NRCAM: variants seen among roughly 807,000 people sequenced by gnomAD.
NRCAM encodes NgCAM-related cell adhesion molecule.
NRCAM carries 83 observed loss-of-function variants against 156.5 expected under a neutral mutation model. The observed-to-expected ratio is 0.53, with a 90% CI of 0.44 to 0.64. The LOEUF is 0.64. Among genes scored for constraint, NRCAM ranks in the 30% least tolerant of loss-of-function variants. NRCAM has a pLI of 0.00. For missense variants in NRCAM, 1,417 were observed against 1,597.3 expected, an observed-to-expected ratio of 0.89 and a Z score of 1.92; for synonymous variants, 538 against 563.9, an observed-to-expected ratio of 0.95 and a Z score of 0.65.
chr7:108,423,873 G>A (rs1005697870), intron 1 of NRCAM, among the ~76,000 whole-genome samples: 3 of 152,202 alleles, frequency 2.0e-5, no homozygotes, highest in African/African-American at 7.2e-5. Flanking sequence ...ATTGACATAT[G>A]CTGACGTCAG....
chr7:108,448,581 C>T (rs1846983892), intron 1 of NRCAM, among the ~76,000 whole-genome samples: 1 of 152,244 alleles, frequency 6.6e-6, no homozygotes, highest in African/African-American at 2.4e-5. Flanking sequence ...CCCAAAATTG[C>T]TTTTTATTTC....
intron 3 of NRCAM, among the ~76,000 whole-genome samples, chr7:108,256,646 A>C (rs557294044): frequency 1.3e-4 from 20 of 152,342 alleles, no homozygotes; most frequent in South Asian, 1.2e-3. Context: ...ACAACAACAA[A>C]AAAAACAACT....
At chr7:108,170,545 G>T in intron 28 of NRCAM, among the ~76,000 whole-genome samples, 1 of 152,158 alleles carries the variant, frequency 6.6e-6, no homozygotes, top group East Asian at 1.9e-4. Flanking sequence ...CTATGACCTA[G>T]AAACTCCCTG....
intron 2 of NRCAM, among the ~76,000 whole-genome samples, chr7:108,317,931 A>AGAAAG (rs1213342787): frequency 3.3e-5 from 5 of 150,768 alleles, no homozygotes; most frequent in Admixed American, 1.3e-4. Flanking sequence ...AAAGAAAGAA[A>AGAAAG]GAAAGGAAAG....
intron 2 of NRCAM, among the ~76,000 whole-genome samples, chr7:108,398,543 T>C (rs1395727027): frequency 1.3e-5 from 2 of 152,096 alleles, no homozygotes; most frequent in Non-Finnish European, 2.9e-5. Context: ...TTCACACATA[T>C]GCCATAACTT....
At chr7:108,253,745 G>C (rs964817656) in intron 3 of NRCAM, among the ~76,000 whole-genome samples, 3 of 152,188 alleles carry the variant, frequency 2.0e-5, no homozygotes, top group African/African-American at 7.2e-5. Flanking sequence ...TCAATCACCT[G>C]AAAATCAATT....
chr7:108,358,244 C>G (rs77560253), intron 2 of NRCAM, among the ~76,000 whole-genome samples: 1 of 71,794 alleles, frequency 1.4e-5, no homozygotes, highest in Admixed American at 1.4e-4. Context: ...CCCCTCTCTA[C>G]AAAAAAAAAA....
chr7:108,192,914 T>C (rs1405738695), intron 17 of NRCAM, among the ~76,000 whole-genome samples: 2 of 152,288 alleles, frequency 1.3e-5, no homozygotes, highest in Non-Finnish European at 1.5e-5. Flanking sequence ...AATTAATGTA[T>C]AGAGAATTAG....
At chr7:108,450,750 C>G (rs1417650700) in intron 1 of NRCAM, among the ~76,000 whole-genome samples, 1 of 152,166 alleles carries the variant, frequency 6.6e-6, no homozygotes, top group Non-Finnish European at 1.5e-5. Flanking sequence ...TTATCCTGGA[C>G]TTGGACTACA....
chr7:108,257,293 A>C (rs963277774), intron 3 of NRCAM, among the ~76,000 whole-genome samples: 1 of 152,118 alleles, frequency 6.6e-6, no homozygotes. Flanking sequence ...TTAAAAATGC[A>C]CTAAAACTCA....
At chr7:108,175,763 TATA>T (rs2060242890) in intron 27 of NRCAM, among the ~76,000 whole-genome samples, 1 of 152,224 alleles carries the variant, frequency 6.6e-6, no homozygotes. Flanking sequence ...GAAAACCTTT[TATA>T]ATATTTTTGA....
chr7:108,402,260 T>C (rs757648585), intron 1 of NRCAM, among the ~76,000 whole-genome samples: 6 of 152,244 alleles, frequency 3.9e-5, no homozygotes, highest in Admixed American at 2.0e-4. Flanking sequence ...TGCTGTCCCA[T>C]TACATTTACA....
chr7:108,386,965 T>A (rs961095988), intron 2 of NRCAM, among the ~76,000 whole-genome samples: 1 of 151,222 alleles, frequency 6.6e-6, no homozygotes, highest in Non-Finnish European at 1.5e-5. Context: ...CCTCTTCCAG[T>A]GTTTTATTGT....
intron 3 of NRCAM, among the ~76,000 whole-genome samples, chr7:108,270,819 T>C (rs758419495): frequency 1.3e-5 from 2 of 152,152 alleles, no homozygotes; most frequent in Non-Finnish European, 2.9e-5. Context: ...TTACCCAGAA[T>C]AGTCAAATGT....
intron 25 of NRCAM, among the ~76,000 whole-genome samples, chr7:108,178,689 G>A (rs574081469): frequency 9.1e-4 from 139 of 152,288 alleles, no homozygotes; most frequent in African/African-American, 2.7e-3. Context: ...AAGGCCCGAG[G>A]GGTCTCAGGT....
intron 4 of NRCAM, among the ~76,000 whole-genome samples, chr7:108,238,877 T>A (rs2095333522): frequency 6.6e-6 from 1 of 151,942 alleles, no homozygotes; most frequent in Non-Finnish European, 1.5e-5. Flanking sequence ...ACAAACCACA[T>A]CTCTTCTTAA....
At position 108,324,877 on chromosome 7, in the gene NRCAM, C is replaced by CATTTTTTTTTTTTT. The variant is rs201240389; in HGVS notation, c.-173-12147_-173-12146insAAAAAAAAAAAAAT. 2.2e-4 allele frequency among the ~76,000 whole-genome samples: 18 copies of CATTTTTTTTTTTTT among 82,676 alleles called. 2 individuals are homozygous for CATTTTTTTTTTTTT. The highest frequency in any genetic ancestry group is 1.2e-4 in the Non-Finnish European group (5 of 43,386). The allele number at this position is 82,676 out of a possible 152,430, so 54.2% of individuals were successfully genotyped here. A position where few individuals can be genotyped will look rare whatever the true frequency, so the allele number is the denominator to read the frequency against. On this transcript the variant is annotated intron_variant, in intron 2 of 32. Transcript: ENST00000379028. Reference sequence around the variant, plus strand: ...TGTTTGTGTAATATTTGGCACTGTACTTTTTTTTTTTTTTTTTTTTTTTTT... The same window carrying CATTTTTTTTTTTTT: ...TGTTTGTGTAATATTTGGCACTGTACATTTTTTTTTTTTTTTTTTTTTTTTTTTTTTTTTTTTTT...
At chr7:108,305,550 T>C (rs79246469) in intron 3 of NRCAM, among the ~76,000 whole-genome samples, 6,925 of 152,270 alleles carry the variant, frequency 0.045, 196 homozygotes, top group Middle Eastern at 0.095. Context: ...GTGCTTCTTC[T>C]CCGTGTTGGA....
chr7:108,456,054 T>A (rs1024436729), intron 1 of NRCAM, among the ~76,000 whole-genome samples, 189 bp downstream of exon 1: 1 of 151,906 alleles, frequency 6.6e-6, no homozygotes, highest in Non-Finnish European at 1.5e-5. Flanking sequence ...GTCGGGGGCC[T>A]GCAGGGGAGA....
Sources: gnomAD v4.1 joint callset for allele counts (sites outside exome capture counted in the v4.1 genomes callset) on GRCh38, gnomAD v4.1.1 for gene constraint, MANE v1.5 for transcripts, NCBI Gene and HGNC (gene_info 2026-07-23, HGNC 2026-07-21) for gene names.